HYDIN: variants seen among roughly 807,000 people sequenced by gnomAD.
HYDIN encodes HYDIN axonemal central pair apparatus protein.
In HYDIN, 132 loss-of-function variants were observed where a neutral mutation model predicts 403.9. That is an observed-to-expected ratio of 0.33 (90% CI 0.28 to 0.38). The LOEUF (loss-of-function observed/expected upper bound fraction) is 0.38. Among genes scored for constraint, HYDIN ranks in the 10% least tolerant of loss-of-function variants. HYDIN has a pLI of 1.00. For missense variants in HYDIN, 2,827 were observed against 5,009.5 expected (o/e 0.56, Z 13.15); for synonymous variants, 1,202 against 1,891.7 (o/e 0.64, Z 9.46).
At chr16:70,860,973 G>C in intron 69 of HYDIN, 72 bp from the exon 70 acceptor site, 1 of 1,061,662 alleles carries the variant, frequency 9.4e-7, no homozygotes, top group Non-Finnish European at 1.4e-6. Flanking sequence ...GGTTGGAAAT[G>C]AATCTTATAT....
Position 70,837,761 on chromosome 16 carries a change from G to A in HYDIN, c.13171C>T (p.Leu4391Phe), listed in dbSNP as rs765942867. 3 of 1,613,936 alleles carry A rather than the reference G, an allele frequency of 1.9e-6. No individual in the cohort carries two copies. Among genetic ancestry groups the A allele is most frequent in the South Asian group, 1.1e-5 (1 of 91,074 alleles). Residue 4391 changes from leucine to phenylalanine, a missense_variant, in exon 77 of 86, where the codon CTC (leucine) becomes TTC (phenylalanine). Coordinates refer to ENST00000393567, the MANE Select transcript of HYDIN (RefSeq NM_001270974.2). ...YPRESINYQE[L>F]IPFEINGLSQ... is the part of the protein sequence containing the mutation. Reference sequence around the variant, plus strand: ...AGCCCATTGATTTCAAAGGGAATGAGTTCTTGATAGTTGATACTTTCTCGA... The same window carrying A: ...AGCCCATTGATTTCAAAGGGAATGAATTCTTGATAGTTGATACTTTCTCGA...
intron 18 of HYDIN, among the ~76,000 whole-genome samples, chr16:71,039,742 C>T (rs1003893): frequency 2.6e-5 from 4 of 152,208 alleles, no homozygotes; most frequent in East Asian, 1.9e-4. Context: ...CCACTTTCAT[C>T]GGCAATTAAA....
At chr16:70,886,029 T>C (rs2041112066) in intron 58 of HYDIN, among the ~76,000 whole-genome samples, 1 of 145,632 alleles carries the variant, frequency 6.9e-6, no homozygotes, top group South Asian at 2.1e-4. Context: ...AATAAACTAT[T>C]AAACCAACAT....
intron 47 of HYDIN, among the ~76,000 whole-genome samples, chr16:70,913,574 T>C (rs1378567120): frequency 8.1e-6 from 1 of 123,350 alleles, no homozygotes; most frequent in African/African-American, 3.1e-5. Flanking sequence ...GAAAGTTCCA[T>C]GAACTGTTGA....
At chr16:71,005,723 G>A (rs1243674097) in intron 23 of HYDIN, among the ~76,000 whole-genome samples, 4 of 151,112 alleles carry the variant, frequency 2.6e-5, no homozygotes, top group African/African-American at 7.3e-5. Flanking sequence ...GTTCCTTGGA[G>A]GAAGCCCAGG....
chr16:70,836,962 G>T (rs993951979), intron 77 of HYDIN, among the ~76,000 whole-genome samples: 10 of 152,230 alleles, frequency 6.6e-5, no homozygotes, highest in African/African-American at 2.4e-4. Context: ...TGCTCCTATG[G>T]CTTGATGGGA....
intron 62 of HYDIN, among the ~76,000 whole-genome samples, 166 bp from the exon 63 acceptor site, chr16:70,875,085 C>A (rs941966839): frequency 2.6e-5 from 4 of 151,862 alleles, no homozygotes; most frequent in African/African-American, 4.8e-5. Flanking sequence ...AAATATTAGA[C>A]CTGGAGAGGA....
intron 52 of HYDIN, among the ~76,000 whole-genome samples, chr16:70,902,279 G>A (rs2076402743): frequency 7.9e-6 from 1 of 126,916 alleles, no homozygotes; most frequent in African/African-American, 3.1e-5. Flanking sequence ...ATATAAAATA[G>A]GTGGAGTTGA....
chr16:71,160,166 A>C (rs2085943389), intron 6 of HYDIN, among the ~76,000 whole-genome samples: 1 of 88,348 alleles, frequency 1.1e-5, no homozygotes, highest in Non-Finnish European at 2.0e-5. Context: ...TAAATGCATA[A>C]ATGAGCATGC....
chr16:70,820,187 C>CTTT (rs57769826), intron 83 of HYDIN, among the ~76,000 whole-genome samples: 54 of 91,842 alleles, frequency 5.9e-4, no homozygotes, highest in Non-Finnish European at 7.7e-4. Context: ...TTTCTTTTTT[C>CTTT]TTTTTTTTTT....
intron 45 of HYDIN, among the ~76,000 whole-genome samples, chr16:70,931,522 A>T (rs1567853643): frequency 1.3e-5 from 2 of 151,708 alleles, no homozygotes; most frequent in Admixed American, 1.3e-4. Context: ...CTTGTTAGAA[A>T]TATAGTCTCA....
In HYDIN at chr16:70,882,835, T is replaced by C. The variant is rs2040894593; in HGVS notation, c.10040A>G (p.Asn3347Ser). 6.5e-7 allele frequency: 1 copy of C among 1,542,446 alleles called. No homozygotes were observed. Reference sequence around the variant, plus strand: ...TATGGTCTGCAGGATGTGGTGCAGGTTGGCACTGGTACATATCTGGTGCTC... The same window carrying C: ...TATGGTCTGCAGGATGTGGTGCAGGCTGGCACTGGTACATATCTGGTGCTC... The part of the protein sequence containing the change: ...FEEHQICTSA[N>S]LHHILQTIES... The change falls in exon 60 of 86, where the codon AAC (asparagine) becomes AGC (serine). Residue 3347 changes from asparagine (N) to serine (S), a missense_variant. Asn to Ser is a conservative substitution (Grantham distance 46, BLOSUM62 1). Transcript: ENST00000393567.
chr16:70,924,946 T>G (rs553544914), intron 45 of HYDIN, among the ~76,000 whole-genome samples: 18 of 147,552 alleles, frequency 1.2e-4, no homozygotes, highest in Non-Finnish European at 2.2e-4. Flanking sequence ...CCTGCACGTG[T>G]ACCCCCGTAC....
intron 45 of HYDIN, among the ~76,000 whole-genome samples, chr16:70,922,736 A>G (rs568874774): frequency 2.4e-4 from 36 of 151,708 alleles, no homozygotes; most frequent in African/African-American, 8.2e-4. Flanking sequence ...AATGAGGACT[A>G]TATCTAAAAC....
intron 42 of HYDIN, among the ~76,000 whole-genome samples, chr16:70,943,045 T>C (rs904121479): frequency 2.0e-5 from 3 of 152,218 alleles, no homozygotes; most frequent in Non-Finnish European, 4.4e-5. Flanking sequence ...TTTTGTTGTA[T>C]TTAAATCTGC....
At chr16:70,905,835 C>G (rs1434088902) in intron 50 of HYDIN, among the ~76,000 whole-genome samples, 1 of 151,866 alleles carries the variant, frequency 6.6e-6, no homozygotes. Flanking sequence ...TACTCCCAGA[C>G]TGTTCTGTAC....
In HYDIN at chr16:70,832,831, G is replaced by A. The variant is rs569929479; in HGVS notation, c.13899+17C>T. ...GTCACTCCTGCCACTGGGCCACCCCGGGCAGCAGCTACTAACCTCTTTTAC... is the reference window on the plus strand; with the variant it reads ...GTCACTCCTGCCACTGGGCCACCCCAGGCAGCAGCTACTAACCTCTTTTAC... On this transcript the variant is annotated intron_variant, in intron 80 of 85. Coordinates refer to ENST00000393567, the MANE Select transcript of HYDIN (RefSeq NM_001270974.2). The A allele has an allele frequency of 1.4e-4, 218 of 1,597,436 alleles. 1 individual carries two copies. The African/African-American group carries it at 2.5e-3, about 19-fold the overall frequency.
At position 70,862,092 on chromosome 16, in the gene HYDIN, G is replaced by T. The variant is rs2039450394; in HGVS notation, c.11733C>A (p.Phe3911Leu). 1 of 1,609,006 alleles carries T rather than the reference G, an allele frequency of 6.2e-7. No homozygotes were observed. The highest frequency in any genetic ancestry group is 1.3e-5 in the African/African-American group (1 of 74,882). The stretch of plus-strand genomic sequence containing the variant: ...CGAAGTCTCCAATGTCCAACGGGGA[G>T]AATTTTACTTTGAACTTCTGAATCT... ...VGKIQKFKVK[F>L]SPLDIGDFES... The change falls in exon 69 of 86, where the codon TTC (phenylalanine) becomes TTA (leucine). Residue 3911 changes from phenylalanine to leucine, a missense_variant. Coordinates refer to ENST00000393567, the MANE Select transcript of HYDIN (RefSeq NM_001270974.2).
intron 76 of HYDIN, among the ~76,000 whole-genome samples, chr16:70,839,403 A>T (rs1207592503): frequency 6.7e-6 from 1 of 148,866 alleles, no homozygotes; most frequent in Admixed American, 6.6e-5. Flanking sequence ...TAAAATTAAC[A>T]TTAATTAAAA....
Sources: gnomAD v4.1 joint callset for allele counts (sites outside exome capture counted in the v4.1 genomes callset) on GRCh38, gnomAD v4.1.1 for gene constraint, MANE v1.5 for transcripts, NCBI Gene and HGNC (gene_info 2026-07-23, HGNC 2026-07-21) for gene names.